KMT2A: variants seen among roughly 807,000 people sequenced by gnomAD.
KMT2A encodes histone-lysine N-methyltransferase 2A.
KMT2A carries 16 observed loss-of-function variants against 345.3 expected under a neutral mutation model. The observed-to-expected ratio is 0.05, with a 90% CI of 0.03 to 0.07. The LOEUF (loss-of-function observed/expected upper bound fraction) is 0.07, where lower values mean the gene tolerates loss of function less well. Among genes scored for constraint, KMT2A ranks in the 10% least tolerant of loss-of-function variants. The probability of loss-of-function intolerance (pLI) is 1.00; values close to 1 mark genes in which losing one functional copy is unlikely to be tolerated. For synonymous variants in KMT2A, 1,599 were observed against 1,778.6 expected (o/e 0.90, Z 2.54); for missense variants, 3,272 against 4,841.6 (o/e 0.68, Z 9.62).
intron 28 of KMT2A, among the ~76,000 whole-genome samples, chr11:118,508,021 A>C (rs1344997497): frequency 6.6e-6 from 1 of 152,214 alleles, no homozygotes; most frequent in African/African-American, 2.4e-5. Flanking sequence ...TTTCTTGCCA[A>C]AGTTTTTTAA....
Position 118,505,570 on chromosome 11 carries a change from A to G in KMT2A, c.9678A>G (p.Ile3226Met). 1.2e-6 allele frequency: 2 copies of G among 1,614,088 alleles called. No individual in the cohort carries two copies. The highest frequency in any genetic ancestry group is 1.7e-6 in the Non-Finnish European group (2 of 1,179,988). The change falls in exon 27 of 36, where the codon ATA becomes ATG. Residue 3226 changes from isoleucine (I) to methionine (M), a missense_variant. Around this residue, in one of 27 missense-constraint regions of KMT2A, gnomAD observed 748 missense variants for 922.2 expected, o/e 0.81. Transcript: ENST00000534358. The surrounding 1 kb of genome is among the most constrained non-coding windows in gnomAD (Gnocchi z 4.6). ...CCTCTGGACTCAAGAAAAGACCCAT[A>G]TCTCGTCTACAGACCCGAAAGAATA... ...TPSSGLKKRPISRLQTRKNKK... is the reference protein window; with the variant it reads ...TPSSGLKKRPMSRLQTRKNKK...
chr11:118,454,046 C>G (rs1240923284), intron 1 of KMT2A, among the ~76,000 whole-genome samples: 4 of 152,188 alleles, frequency 2.6e-5, no homozygotes, highest in African/African-American at 9.7e-5. Context: ...CCAAAATAAG[C>G]CCTAAATTCA....
At position 118,471,709 on chromosome 11, in the gene KMT2A, G is replaced by A; in HGVS notation, c.550G>A (p.Asp184Asn). ...KPRGRPRSGS[D>N]RNSAILSDPS... ...TCGTGGGAGACCTAGAAGTGGCTCT[G>A]ACCGAAATTCAGCTATCCTCTCAGA... Residue 184 changes from aspartate (D) to asparagine (N), a missense_variant, in exon 3 of 36, where the codon GAC becomes AAC. Around this residue, in one of 27 missense-constraint regions of KMT2A, gnomAD observed 412 missense variants for 511.0 expected, o/e 0.81. Coordinates refer to ENST00000534358, the MANE Select transcript of KMT2A (RefSeq NM_001197104.2). 6.2e-7 allele frequency: 1 copy of A among 1,603,874 alleles called. No homozygotes were observed. The highest frequency in any genetic ancestry group is 8.5e-7 in the Non-Finnish European group (1 of 1,177,508).
rs1186114786 is a variant in KMT2A, at chr11:118,436,731, G to T, written c.219G>T (p.Gly73=). The T allele has an allele frequency of 6.5e-7, 1 of 1,534,500 alleles. No individual in the cohort carries two copies. Among genetic ancestry groups the T allele is most frequent in the Non-Finnish European group, 8.8e-7 (1 of 1,138,236 alleles). The change falls in exon 1 of 36, where the codon GGG becomes GGT. Residue 73 remains glycine, a synonymous_variant. Transcript: ENST00000534358. This position sits in a 1 kb window ranked among gnomAD's most constrained non-coding sequence, Gnocchi z 6.9. ...AAAAAGSSGA[G]VPGGAAAASA... is the part of the protein sequence containing the mutation. Reference sequence around the variant, plus strand: ...CGGCGGCGGGAAGCAGCGGGGCTGGGGTTCCAGGGGGAGCGGCCGCCGCCT... The same window carrying T: ...CGGCGGCGGGAAGCAGCGGGGCTGGTGTTCCAGGGGGAGCGGCCGCCGCCT...
chr11:118,503,246 C>T lies in KMT2A; in HGVS notation c.7354C>T (p.Pro2452Ser), dbSNP rs2134391388. The T allele has an allele frequency of 6.2e-7, 1 of 1,613,918 alleles. No individual in the cohort carries two copies. Among genetic ancestry groups the T allele is most frequent in the Non-Finnish European group, 8.5e-7 (1 of 1,179,978 alleles). ...GCATTCCAGTAAATCTTTTTTGGAA[C>T]CTGGTCAGGTGACAACTGGTGAGGA... ...EKHSSKSFLEPGQVTTGEEGN... is the reference protein window; with the variant it reads ...EKHSSKSFLESGQVTTGEEGN... The change falls in exon 27 of 36, where the codon CCT becomes TCT. Residue 2452 changes from proline to serine, a missense_variant. Physicochemically the swap from Pro to Ser is moderately conservative, Grantham distance 74 (BLOSUM62 -1). Around this residue, in one of 27 missense-constraint regions of KMT2A, gnomAD observed 445 missense variants for 500.9 expected, o/e 0.89. Transcript: ENST00000534358. The surrounding 1 kb of genome is among the most constrained non-coding windows in gnomAD (Gnocchi z 5.3).
At chr11:118,442,214 C>T (rs1949329175) in intron 1 of KMT2A, among the ~76,000 whole-genome samples, 1 of 152,136 alleles carries the variant, frequency 6.6e-6, no homozygotes, top group Admixed American at 6.6e-5. Flanking sequence ...GGTGGAGAGC[C>T]CAGTGGCATA....
chr11:118,493,377 A>G lies in KMT2A; in HGVS notation c.5178+147A>G. 1 of 541,222 alleles carries G rather than the reference A, an allele frequency of 1.8e-6. No individual in the cohort carries two copies. Among genetic ancestry groups the G allele is most frequent in the East Asian group, 3.1e-5 (1 of 32,160 alleles). 33.5% of individuals were successfully genotyped at this position (541,222 alleles called of 1,614,324 possible). A position where few individuals can be genotyped will look rare whatever the true frequency, so the allele number is the denominator to read the frequency against. On this transcript the variant is annotated intron_variant, in intron 16 of 35. Coordinates refer to ENST00000534358, the MANE Select transcript of KMT2A (RefSeq NM_001197104.2). This position sits in a 1 kb window ranked among gnomAD's most constrained non-coding sequence, Gnocchi z 5.8. ...CGTGGCTTTAGATACCTAAAAATGT[A>G]TGAGTTATTTTAGCTTTGTGTTTCA...
chr11:118,524,624 T>A lies in KMT2A; in HGVS notation c.*2452T>A, dbSNP rs1951042162. On this transcript the variant is annotated 3_prime_UTR_variant, in exon 36 of 36. Coordinates refer to ENST00000534358, the MANE Select transcript of KMT2A (RefSeq NM_001197104.2). Reference sequence around the variant, plus strand: ...GCCCATGAACAAGATGCAGTGGCCCTAGGGGTTCCACTAGTGTCTGCTTTC... The same window carrying A: ...GCCCATGAACAAGATGCAGTGGCCCAAGGGGTTCCACTAGTGTCTGCTTTC... 1 of 180,310 alleles carries A rather than the reference T, an allele frequency of 5.5e-6. No individual in the cohort carries two copies. The highest frequency in any genetic ancestry group is 1.2e-5 in the Non-Finnish European group (1 of 84,080). The allele number at this position is 180,310 out of a possible 1,614,324, so 11.2% of individuals were successfully genotyped here.
At chr11:118,489,583 C>G (rs1395208494) in intron 11 of KMT2A, among the ~76,000 whole-genome samples, 4 of 152,112 alleles carry the variant, frequency 2.6e-5, no homozygotes, top group African/African-American at 9.7e-5. Context: ...TCAAATCTAC[C>G]TAATATGAAT....
chr11:118,478,485 T>G (rs1950076153), intron 5 of KMT2A, among the ~76,000 whole-genome samples: 1 of 152,232 alleles, frequency 6.6e-6, no homozygotes, highest in South Asian at 2.1e-4. Context: ...TAGCCACATG[T>G]GGCTATTGAG....
Position 118,436,964 on chromosome 11 carries a change from C to G in KMT2A, c.432+20C>G. On this transcript the variant is annotated intron_variant, in intron 1 of 35. Transcript: ENST00000534358. This position sits in a 1 kb window ranked among gnomAD's most constrained non-coding sequence, Gnocchi z 6.9. Reference sequence around the variant, plus strand: ...GGAGAGGTAAGGGGGCGAGGAACCCCCAGGTCCGGGGTCTCGACCCTCTGC... The same window carrying G: ...GGAGAGGTAAGGGGGCGAGGAACCCGCAGGTCCGGGGTCTCGACCCTCTGC... The G allele has an allele frequency of 6.9e-7, 1 of 1,445,230 alleles. No individual in the cohort carries two copies. Among genetic ancestry groups the G allele is most frequent in the East Asian group, 2.8e-5 (1 of 35,988 alleles). 89.5% of individuals were successfully genotyped at this position (1,445,230 alleles called of 1,614,324 possible).
chr11:118,447,284 C>T (rs1351296440), intron 1 of KMT2A, among the ~76,000 whole-genome samples: 3 of 152,088 alleles, frequency 2.0e-5, no homozygotes, highest in Non-Finnish European at 2.9e-5. Context: ...TCTAAGTCAT[C>T]ATTTATGTTT....
intron 1 of KMT2A, among the ~76,000 whole-genome samples, chr11:118,457,304 G>A (rs1442022366): frequency 2.7e-5 from 3 of 111,918 alleles, no homozygotes; most frequent in South Asian, 3.1e-4. Flanking sequence ...GTCTTGCTCT[G>A]TCACCCAGGC....
intron 1 of KMT2A, among the ~76,000 whole-genome samples, chr11:118,457,881 T>A (rs1379828633): frequency 6.6e-6 from 1 of 152,076 alleles, no homozygotes; most frequent in African/African-American, 2.4e-5. Flanking sequence ...ATACGATACT[T>A]CATTAATTTA....
chr11:118,496,393 T>A lies in KMT2A; in HGVS notation c.5664+26T>A. ...GTAAGTACTTTGCAACACAGGGCCC[T>A]AGTTAATACATACTCCAAAAGAACT... On this transcript the variant is annotated intron_variant, in intron 20 of 35. Coordinates refer to ENST00000534358, the MANE Select transcript of KMT2A (RefSeq NM_001197104.2). The surrounding 1 kb of genome is among the most constrained non-coding windows in gnomAD (Gnocchi z 4.7). The A allele has an allele frequency of 7.7e-7, 1 of 1,291,968 alleles. No homozygotes were observed. The highest frequency in any genetic ancestry group is 1.1e-6 in the Non-Finnish European group (1 of 888,288). 80.0% of individuals were successfully genotyped at this position (1,291,968 alleles called of 1,614,324 possible). A position where few individuals can be genotyped will look rare whatever the true frequency, so the allele number is the denominator to read the frequency against.
chr11:118,447,574 T>A (rs1949447740), intron 1 of KMT2A: 1 of 398,590 alleles, frequency 2.5e-6, no homozygotes, highest in Non-Finnish European at 4.9e-6. Flanking sequence ...TTTATGTAGA[T>A]AATACTTAGC....
chr11:118,499,875 C>G lies in KMT2A; in HGVS notation c.6120C>G (p.Leu2040=), dbSNP rs782071887. The G allele has an allele frequency of 1.2e-6, 2 of 1,612,906 alleles. No individual in the cohort carries two copies. The highest frequency in any genetic ancestry group is 1.7e-6 in the Non-Finnish European group (2 of 1,178,880). ...TIDCLGILND[L]SDCEDKLFPI... is the part of the protein sequence containing the mutation. ...ACTGCTTAGGAATTCTAAATGATCT[C>G]TCCGACTGTGAAGATAAGCTCTTTC... is the stretch of plus-strand genomic sequence containing the variant. The change falls in exon 24 of 36, where the codon CTC becomes CTG. Residue 2040 remains leucine (L), a synonymous_variant. Coordinates refer to ENST00000534358, the MANE Select transcript of KMT2A (RefSeq NM_001197104.2).
chr11:118,444,564 A>G (rs1949378812), intron 1 of KMT2A, among the ~76,000 whole-genome samples: 1 of 152,102 alleles, frequency 6.6e-6, no homozygotes, highest in Admixed American at 6.5e-5. Context: ...ATCTTGAAAA[A>G]GTTTTTTTTG....
rs1156710989 is a variant in KMT2A at position 118,495,625 on chromosome 11, T to C, written c.5364-75T>C. ...CTCCTACATGGGGCAACAGGTGATA[T>C]CAAGAATTTATTTTATACAGTTCTA... On this transcript the variant is annotated intron_variant, in intron 18 of 35. Coordinates refer to ENST00000534358, the MANE Select transcript of KMT2A (RefSeq NM_001197104.2). The surrounding 1 kb of genome is among the most constrained non-coding windows in gnomAD (Gnocchi z 4.1). The C allele has an allele frequency of 2.6e-6, 3 of 1,170,880 alleles. No homozygotes were observed. Among genetic ancestry groups the C allele is most frequent in the Non-Finnish European group, 2.4e-6 (2 of 844,154 alleles). 72.5% of individuals were successfully genotyped at this position (1,170,880 alleles called of 1,614,324 possible).
Sources: allele counts gnomAD v4.1 joint callset (sites outside exome capture counted in the v4.1 genomes callset), GRCh38; gene constraint gnomAD v4.1.1; regional missense constraint gnomAD v4.1.1; non-coding constraint Gnocchi (gnomAD v3.1); transcripts MANE v1.5; gene names NCBI Gene and HGNC (gene_info 2026-07-23, HGNC 2026-07-21).